The following GSDMD variants were observed in gnomAD, a reference collection of about 807,000 sequenced individuals.
The protein encoded by GSDMD is gasdermin-D.
A neutral mutation model predicts 46.7 loss-of-function variants in GSDMD; 46 were observed. The ratio of observed to expected loss-of-function variants is 0.99; its 90% CI spans 0.78 to 1.26. The LOEUF is 1.26. GSDMD is among the 50% of genes most tolerant of loss of function. The pLI is 0.00. For synonymous variants in GSDMD, 307 were observed against 283.1 expected (o/e 1.08, Z -0.85); for missense variants, 649 against 638.8 (o/e 1.02, Z -0.17).
In GSDMD at chr8:143,560,860, C is replaced by T. The variant is rs1217453511; in HGVS notation, c.579+89C>T. The T allele has an allele frequency of 6.3e-6, 9 of 1,430,482 alleles. No homozygotes were observed. In the East Asian group the frequency reaches 2.1e-4, roughly 34 times the overall value. 88.6% of individuals were successfully genotyped at this position (1,430,482 alleles called of 1,614,324 possible). ...GGCGGCGGGCTGGGCTCCGCCAAGG[C>T]CCCTCGGAGCAGCTCCCAGCCCTGC... On this transcript the variant is annotated intron_variant, in intron 4 of 10. Transcript: ENST00000262580.
upstream of GSDMD, among the ~76,000 whole-genome samples, chr8:143,556,324 G>A (rs1823295925): frequency 6.6e-6 from 1 of 152,212 alleles, no homozygotes; most frequent in Non-Finnish European, 1.5e-5. Context: ...AGGTTGCAAT[G>A]AGCTGAGATC....
In GSDMD at chr8:143,560,730, G is replaced by A; in HGVS notation, c.538G>A (p.Gly180Ser). The A allele has an allele frequency of 6.4e-7, 1 of 1,565,198 alleles. No homozygotes were observed. The highest frequency in any genetic ancestry group is 8.7e-7 in the Non-Finnish European group (1 of 1,155,070). The change falls in exon 4 of 11, where the codon GGC becomes AGC. Residue 180 changes from glycine to serine, a missense_variant. By Grantham distance (56) the Gly-to-Ser change is moderately conservative. Coordinates refer to ENST00000262580, the MANE Select transcript of GSDMD (RefSeq NM_024736.7). ...AGTCACGCGCACCCACAAGCGGGAGGGCTCGGGCCGGTTTTCCCTGCCCGG... is the reference window on the plus strand; with the variant it reads ...AGTCACGCGCACCCACAAGCGGGAGAGCTCGGGCCGGTTTTCCCTGCCCGG... ...VEVTRTHKRE[G>S]SGRFSLPGAT...
chr8:143,558,354 A>G lies in GSDMD; in HGVS notation c.-102A>G, dbSNP rs1305007315. ...GGGCCCTGCGTCAGGTTGCAGTTTCACTTTTAGCTCTGGGCACCTCCAGCT... is the reference window on the plus strand; with the variant it reads ...GGGCCCTGCGTCAGGTTGCAGTTTCGCTTTTAGCTCTGGGCACCTCCAGCT... On this transcript the variant is annotated 5_prime_UTR_variant, in exon 1 of 11. Transcript: ENST00000262580. 6.6e-7 allele frequency: 1 copy of G among 1,524,616 alleles called. No individual in the cohort carries two copies. The highest frequency in any genetic ancestry group is 2.6e-5 in the East Asian group (1 of 39,024). The allele number at this position is 1,524,616 out of a possible 1,614,324, so 94.4% of individuals were successfully genotyped here.
chr8:143,562,315 C>T lies in GSDMD; in HGVS notation c.1103C>T (p.Ala368Val), dbSNP rs879845110. The change falls in exon 9 of 11, where the codon GCT becomes GTT. Residue 368 changes from alanine to valine, a missense_variant. Transcript: ENST00000262580. ...LSSGMLVPEL[A>V]IPVVYLLGAL... ...TCCGGAATGCTGGTGCCGGAACTCGCTATCCCTGTTGTCTACCTGCTGGGG... is the reference window on the plus strand; with the variant it reads ...TCCGGAATGCTGGTGCCGGAACTCGTTATCCCTGTTGTCTACCTGCTGGGG... 14 of 1,502,040 alleles carry T rather than the reference C, an allele frequency of 9.3e-6. No individual in the cohort carries two copies. Among genetic ancestry groups the T allele is most frequent in the Non-Finnish European group, 1.2e-5 (13 of 1,117,410 alleles). The allele number at this position is 1,502,040 out of a possible 1,614,324, so 93.0% of individuals were successfully genotyped here.
At chr8:143,558,234 G>A (rs1481053971), upstream of GSDMD, 13 of 1,295,158 alleles carry the variant, frequency 1.0e-5, no homozygotes, top group Middle Eastern at 2.5e-4. Flanking sequence ...CTCCGGACGC[G>A]CGAGGCTGGT....
At position 143,559,555 on chromosome 8, in the gene GSDMD, G is replaced by T; in HGVS notation, c.217+3G>T. The T allele has an allele frequency of 6.2e-7, 1 of 1,611,264 alleles. No individual in the cohort carries two copies. Among genetic ancestry groups the T allele is most frequent in the African/African-American group, 1.3e-5 (1 of 75,066 alleles). On this transcript the variant is annotated splice_donor_region_variant and intron_variant, in intron 2 of 10. Coordinates refer to ENST00000262580, the MANE Select transcript of GSDMD (RefSeq NM_024736.7). The stretch of plus-strand genomic sequence containing the variant: ...GGAGCCGGATGCCGCGGAACCAGGT[G>T]CCTGATGTGGTGCTGAGGCAGAGCC...
Position 143,562,720 on chromosome 8 carries a change from C to G in GSDMD, c.1271C>G (p.Pro424Arg). Residue 424 changes from proline (P) to arginine (R), a missense_variant, in exon 11 of 11, where the codon CCC becomes CGC. By Grantham distance (103) the Pro-to-Arg change is moderately radical (BLOSUM62 -2). Transcript: ENST00000262580. ...CAGGAGCGCAGCACCATGTCCCTGC[C>G]CCCCGGGCTCCTGGGGAACAGCTGG... ...PWQERSTMSL[P>R]PGLLGNSWGE... 2 of 1,592,764 alleles carry G rather than the reference C, an allele frequency of 1.3e-6. No homozygotes were observed. Among genetic ancestry groups the G allele is most frequent in the Non-Finnish European group, 1.7e-6 (2 of 1,169,692 alleles).
rs1823484298 is a variant in GSDMD, at chr8:143,562,330, A to G, written c.1118A>G (p.Tyr373Cys). The G allele has an allele frequency of 6.0e-6, 8 of 1,341,126 alleles. No individual in the cohort carries two copies. Among genetic ancestry groups the G allele is most frequent in the Non-Finnish European group, 6.8e-6 (7 of 1,025,648 alleles). 83.1% of individuals were successfully genotyped at this position (1,341,126 alleles called of 1,614,324 possible). A position where few individuals can be genotyped will look rare whatever the true frequency, so the allele number is the denominator to read the frequency against. The change falls in exon 9 of 11, where the codon TAC becomes TGC. Residue 373 changes from tyrosine (Y) to cysteine (C), a missense_variant. Physicochemically the swap from Tyr to Cys is radical, Grantham distance 194 (BLOSUM62 -2). Transcript: ENST00000262580. ...LVPELAIPVV[Y>C]LLGALTMLSE... ...CCGGAACTCGCTATCCCTGTTGTCT[A>G]CCTGCTGGGGGCACTGACCAGTGAG...
chr8:143,561,693 C>A, intron 6 of GSDMD, 49 bp from the exon 7 acceptor site: 2 of 1,461,564 alleles, frequency 1.4e-6, no homozygotes, highest in South Asian at 1.2e-5. Context: ...CTGGCTCAGA[C>A]ACCCTTCCCC....
upstream of GSDMD, among the ~76,000 whole-genome samples, chr8:143,555,551 G>A (rs1377946742): frequency 3.3e-5 from 5 of 152,204 alleles, no homozygotes; most frequent in Admixed American, 2.6e-4. Flanking sequence ...GGCCTTGCAG[G>A]GATGCTGTGT....
At position 143,560,735 on chromosome 8, in the gene GSDMD, G is replaced by T; in HGVS notation, c.543G>T (p.Ser181=). Residue 181 remains serine, a synonymous_variant, in exon 4 of 11, where the codon TCG becomes TCT. Coordinates refer to ENST00000262580, the MANE Select transcript of GSDMD (RefSeq NM_024736.7). ...CGCGCACCCACAAGCGGGAGGGCTC[G>T]GGCCGGTTTTCCCTGCCCGGAGCCA... The part of the protein sequence containing the change: ...EVTRTHKREG[S]GRFSLPGATC... The T allele has an allele frequency of 6.4e-7, 1 of 1,563,470 alleles. No individual in the cohort carries two copies. Among genetic ancestry groups the T allele is most frequent in the South Asian group, 1.2e-5 (1 of 85,290 alleles).
chr8:143,561,889 G>T (rs750589318), intron 7 of GSDMD, 61 bp downstream of exon 7: 1 of 1,608,294 alleles, frequency 6.2e-7, no homozygotes, highest in Non-Finnish European at 8.5e-7. Context: ...CCTGGGGTCT[G>T]CCTGTCCTGA....
At chr8:143,557,903 G>C (rs928350447), upstream of GSDMD, 1 of 445,300 alleles carries the variant, frequency 2.2e-6, no homozygotes, top group Non-Finnish European at 4.5e-6. Context: ...TTGTTTGCTT[G>C]TTTGTTTTTG....
At chr8:143,557,664 C>T (rs1246819007), upstream of GSDMD, among the ~76,000 whole-genome samples, 1 of 152,252 alleles carries the variant, frequency 6.6e-6, no homozygotes, top group Admixed American at 6.5e-5. Context: ...GACATTCCCA[C>T]CAGCATTGCA....
upstream of GSDMD, among the ~76,000 whole-genome samples, chr8:143,557,519 G>GCTGTGACGACGGATGCTGCCGCTATGA (rs1823337710): frequency 6.6e-6 from 1 of 152,184 alleles, no homozygotes. Flanking sequence ...GGATGCTGCC[G>GCTGTGACGACGGATGCTGCCGCTATGA]TGAACTTTGG....
Position 143,561,355 on chromosome 8 carries a change from C to A in GSDMD, c.683-15C>A. On this transcript the variant is annotated splice_polypyrimidine_tract_variant and intron_variant, in intron 5 of 10. Coordinates refer to ENST00000262580, the MANE Select transcript of GSDMD (RefSeq NM_024736.7). ...GTGACATGCCTGTCCCTGTCTGCTC[C>A]CGTCTGGCTGCCAGACGTCCTTCTC... 6.3e-7 allele frequency: 1 copy of A among 1,597,792 alleles called. No homozygotes were observed. Among genetic ancestry groups the A allele is most frequent in the Admixed American group, 1.7e-5 (1 of 58,516 alleles).
At chr8:143,558,493 C>T (rs987554844) in intron 1 of GSDMD, 42 bp downstream of exon 1, 1 of 1,420,566 alleles carries the variant, frequency 7.0e-7, no homozygotes, top group Admixed American at 3.0e-5. Context: ...GGCTGGAGCT[C>T]CCGAGTGGGG....
chr8:143,554,509 G>A (rs113734681), upstream of GSDMD, among the ~76,000 whole-genome samples: 1 of 144,908 alleles, frequency 6.9e-6, no homozygotes, highest in African/African-American at 2.6e-5. Context: ...CGCACAATAC[G>A]CACGTGTGTG....
upstream of GSDMD, among the ~76,000 whole-genome samples, chr8:143,554,779 T>C (rs7844860): frequency 0.55 from 83,066 of 151,008 alleles, 22,990 homozygotes; most frequent in East Asian, 0.68. Flanking sequence ...CCACACAACA[T>C]GCACGTGCAT....
Sources: allele counts gnomAD v4.1 joint callset (sites outside exome capture counted in the v4.1 genomes callset), GRCh38; gene constraint gnomAD v4.1.1; transcripts MANE v1.5; gene names NCBI Gene and HGNC (gene_info 2026-07-23, HGNC 2026-07-21).